SGPP2: variants seen among roughly 807,000 people sequenced by gnomAD.
The protein encoded by SGPP2 is sphingosine 1-phosphate phosphohydrolase 2.
Under a neutral mutation model 33.9 loss-of-function variants are expected in SGPP2, and 30 were observed. That is an observed-to-expected ratio of 0.89 (90% confidence interval 0.66 to 1.20). SGPP2 has a LOEUF of 1.20. Ranked by LOEUF, SGPP2 falls within the 50% of genes most tolerant of loss-of-function variation. The pLI, the probability that SGPP2 is intolerant of heterozygous loss-of-function variation, is 0.00. For missense variants in SGPP2, 458 were observed against 532.1 expected, an observed-to-expected ratio of 0.86 and a Z score of 1.37; for synonymous variants, 233 against 225.0, an observed-to-expected ratio of 1.04 and a Z score of -0.32.
At chr2:222,481,192 G>A (rs1357745063) in intron 2 of SGPP2, among the ~76,000 whole-genome samples, 1 of 152,074 alleles carries the variant, frequency 6.6e-6, no homozygotes, top group African/African-American at 2.4e-5. Flanking sequence ...AATGGCACAT[G>A]TCTACCTATG....
intron 4 of SGPP2, among the ~76,000 whole-genome samples, chr2:222,557,120 C>T (rs1689425039): frequency 6.6e-6 from 1 of 152,178 alleles, no homozygotes; most frequent in Admixed American, 6.5e-5. Context: ...TGTGAAGTGG[C>T]TCCTGCCTGT....
intron 1 of SGPP2, among the ~76,000 whole-genome samples, chr2:222,461,200 G>A (rs77429048): frequency 0.027 from 4,143 of 152,234 alleles, 81 homozygotes; most frequent in South Asian, 0.07. Flanking sequence ...TGCCTGATGG[G>A]GTAGCATGTG....
chr2:222,472,564 GGTCA>G (rs1422695750), intron 1 of SGPP2, among the ~76,000 whole-genome samples: 2 of 152,186 alleles, frequency 1.3e-5, no homozygotes, highest in Non-Finnish European at 2.9e-5. Flanking sequence ...TCACACGCCT[GGTCA>G]GTAAGTGAAT....
intron 2 of SGPP2, among the ~76,000 whole-genome samples, chr2:222,516,946 G>A (rs1001031357): frequency 2.6e-5 from 4 of 152,024 alleles, no homozygotes; most frequent in Non-Finnish European, 5.9e-5. Flanking sequence ...TTTTCATTTA[G>A]GAAATGAGAA....
In SGPP2 at chr2:222,465,095, C is replaced by T. The variant is rs1053337579; in HGVS notation, c.220-9473C>T. On this transcript the variant is annotated intron_variant, in intron 1 of 4. Coordinates refer to ENST00000321276, the MANE Select transcript of SGPP2 (RefSeq NM_152386.4). This position sits in a 1 kb window ranked among gnomAD's most constrained non-coding sequence, Gnocchi z 4.1. Reference sequence around the variant, plus strand: ...CTCAACCCTCCCTCCTATCCTTGGACGCAGCAGAGGGATCCCGACAAACGC... The same window carrying T: ...CTCAACCCTCCCTCCTATCCTTGGATGCAGCAGAGGGATCCCGACAAACGC... Among the ~76,000 whole-genome samples the T allele has an allele frequency of 2.0e-5, 3 of 152,160 alleles. No homozygotes were observed. The highest frequency in any genetic ancestry group is 6.5e-5 in the Admixed American group (1 of 15,282).
At chr2:222,426,299 C>T (rs949990670) in intron 1 of SGPP2, among the ~76,000 whole-genome samples, 1 of 151,654 alleles carries the variant, frequency 6.6e-6, no homozygotes, top group East Asian at 1.9e-4. Flanking sequence ...GTGACATATT[C>T]GGTGCACACA....
chr2:222,470,161 T>A (rs1410175846), intron 1 of SGPP2, among the ~76,000 whole-genome samples: 1 of 152,074 alleles, frequency 6.6e-6, no homozygotes, highest in Non-Finnish European at 1.5e-5. Context: ...AAATACCTAA[T>A]GCATGCGGGG....
intron 4 of SGPP2, among the ~76,000 whole-genome samples, chr2:222,537,994 G>A (rs1698938996): frequency 6.6e-6 from 1 of 152,184 alleles, no homozygotes; most frequent in Admixed American, 6.5e-5. Context: ...CTACTCAGCA[G>A]TAACAAAGAC....
chr2:222,451,566 G>A (rs370762059), intron 1 of SGPP2, among the ~76,000 whole-genome samples: 6 of 152,298 alleles, frequency 3.9e-5, no homozygotes, highest in South Asian at 2.1e-4. Context: ...GGGCTGTGTC[G>A]TGAGGCACAG....
intron 2 of SGPP2, among the ~76,000 whole-genome samples, chr2:222,514,949 T>C (rs1237558239): frequency 6.6e-6 from 1 of 151,566 alleles, no homozygotes; most frequent in African/African-American, 2.4e-5. Context: ...TTCTTTCTCC[T>C]CTCTTCCATA....
intron 2 of SGPP2, among the ~76,000 whole-genome samples, chr2:222,480,165 T>C (rs1698007403): frequency 6.6e-6 from 1 of 152,228 alleles, no homozygotes; most frequent in Non-Finnish European, 1.5e-5. Context: ...TTTAAAGTTA[T>C]ATTTCTGTAT....
chr2:222,503,326 A>G (rs1380074763), intron 2 of SGPP2, among the ~76,000 whole-genome samples: 2 of 152,244 alleles, frequency 1.3e-5, no homozygotes, highest in African/African-American at 4.8e-5. Flanking sequence ...ATGTTATGAA[A>G]TATTTCAAAC....
At chr2:222,474,118 TAGAA>T (rs1465696474) in intron 1 of SGPP2, among the ~76,000 whole-genome samples, 3 of 152,158 alleles carry the variant, frequency 2.0e-5, no homozygotes, top group Non-Finnish European at 4.4e-5. Context: ...AATTTTAAAA[TAGAA>T]AGATCATTAA....
In SGPP2 at chr2:222,558,362, G is replaced by A. The variant is rs764626827; in HGVS notation, c.664G>A (p.Val222Ile). 39 of 1,613,924 alleles carry A rather than the reference G, an allele frequency of 2.4e-5. No homozygotes were observed. The highest frequency in any genetic ancestry group is 8.3e-5 in the Admixed American group (5 of 60,002). ...CTTCCCAAAGGATGTGCTGGGTGGC[G>A]TCCTGATCACCGCACTCCTCATCGT... ...MHTVLDVLGG[V>I]LITALLIVLT... The change falls in exon 5 of 5, where the codon GTC becomes ATC. Residue 222 changes from valine (V) to isoleucine (I), a missense_variant. Transcript: ENST00000321276.
intron 1 of SGPP2, among the ~76,000 whole-genome samples, chr2:222,451,768 T>C (rs1420293739): frequency 1.3e-5 from 2 of 152,212 alleles, no homozygotes; most frequent in African/African-American, 2.4e-5. Context: ...TTCAAAAATA[T>C]TTTTTCATGT....
chr2:222,436,841 G>A (rs757037415), intron 1 of SGPP2, among the ~76,000 whole-genome samples: 98 of 152,192 alleles, frequency 6.4e-4, no homozygotes, highest in Non-Finnish European at 7.1e-4. Flanking sequence ...ATCACCCAAC[G>A]GAATGGTGCC....
intron 1 of SGPP2, among the ~76,000 whole-genome samples, chr2:222,459,365 G>A (rs1192573022): frequency 6.6e-6 from 1 of 151,804 alleles, no homozygotes; most frequent in Admixed American, 6.6e-5. Context: ...GGCCAGGCTG[G>A]TCTCAAACTC....
Position 222,424,827 on chromosome 2 carries a change from C to T in SGPP2, c.219+6C>T. On this transcript the variant is annotated splice_donor_region_variant and intron_variant, in intron 1 of 4. Transcript: ENST00000321276. ...GCAGAGCCGCGGCGCCGGAGGTAAC[C>T]ATGGGCAGGTGTTCGCCGGGTACGG... 2 of 1,352,916 alleles carry T rather than the reference C, an allele frequency of 1.5e-6. No homozygotes were observed. Among genetic ancestry groups the T allele is most frequent in the African/African-American group, 1.5e-5 (1 of 65,692 alleles). 83.8% of individuals were successfully genotyped at this position (1,352,916 alleles called of 1,614,324 possible). A position where few individuals can be genotyped will look rare whatever the true frequency, so the allele number is the denominator to read the frequency against.
chr2:222,430,858 G>A (rs1697143302), intron 1 of SGPP2, among the ~76,000 whole-genome samples: 1 of 152,048 alleles, frequency 6.6e-6, no homozygotes. Context: ...TATCTGACCA[G>A]TACTCTTCAA....
Sources: gnomAD v4.1 joint callset for allele counts (sites outside exome capture counted in the v4.1 genomes callset) on GRCh38, gnomAD v4.1.1 for gene constraint, Gnocchi (gnomAD v3.1) non-coding constraint, MANE v1.5 for transcripts, NCBI Gene and HGNC (gene_info 2026-07-23, HGNC 2026-07-21) for gene names.